The following PLXNC1 variants were observed in gnomAD, a reference collection of about 807,000 sequenced individuals.
PLXNC1 encodes plexin C1.
A neutral mutation model predicts 178.2 loss-of-function variants in PLXNC1; 75 were observed. That is an observed-to-expected ratio of 0.42 (90% CI 0.35 to 0.51). The LOEUF is 0.51. Among genes scored for constraint, PLXNC1 ranks in the 20% least tolerant of loss-of-function variants. The pLI is 0.02. For missense variants in PLXNC1, 1,503 were observed against 1,984.4 expected, an observed-to-expected ratio of 0.76 and a Z score of 4.61; for synonymous variants, 790 against 779.9, an observed-to-expected ratio of 1.01 and a Z score of -0.22.
chr12:94,210,269 C>T (rs1452959156), intron 5 of PLXNC1, among the ~76,000 whole-genome samples: 1 of 152,170 alleles, frequency 6.6e-6, no homozygotes, highest in Non-Finnish European at 1.5e-5. Context: ...TATGGCAGCA[C>T]CACTCTTGAC....
chr12:94,294,745 T>A (rs546089431), intron 24 of PLXNC1, among the ~76,000 whole-genome samples: 74 of 152,352 alleles, frequency 4.9e-4, no homozygotes, highest in African/African-American at 1.8e-3. Flanking sequence ...AGATGGTGGT[T>A]GGCCTGGACT....
At chr12:94,164,910 G>C (rs1189064179) in intron 1 of PLXNC1, among the ~76,000 whole-genome samples, 2 of 152,200 alleles carry the variant, frequency 1.3e-5, no homozygotes, top group African/African-American at 4.8e-5. Flanking sequence ...GAAGCAGAGT[G>C]ACAACTCTGA....
At chr12:94,222,238 C>A (rs1010216531) in intron 6 of PLXNC1, among the ~76,000 whole-genome samples, 8 of 152,290 alleles carry the variant, frequency 5.3e-5, no homozygotes, top group African/African-American at 1.9e-4. Context: ...GCTTTTAGCG[C>A]CTCCATCCGT....
chr12:94,286,322 G>A (rs1260745896), intron 23 of PLXNC1, among the ~76,000 whole-genome samples: 1 of 152,148 alleles, frequency 6.6e-6, no homozygotes, highest in Non-Finnish European at 1.5e-5. Context: ...TGGGCTCCAT[G>A]TTCTCTATGC....
At chr12:94,181,603 G>A (rs759474583) in intron 3 of PLXNC1, 23 bp downstream of exon 3, 3 of 1,569,670 alleles carry the variant, frequency 1.9e-6, no homozygotes, top group Admixed American at 3.5e-5. Context: ...ACTAGTTATT[G>A]CTTCTGATTT....
At chr12:94,236,954 G>A (rs1198953588) in intron 9 of PLXNC1, among the ~76,000 whole-genome samples, 1 of 152,162 alleles carries the variant, frequency 6.6e-6, no homozygotes, top group Non-Finnish European at 1.5e-5. Context: ...AAATGGAGAA[G>A]TAAGGTGGCA....
chr12:94,288,350 A>C (rs1264632531), intron 23 of PLXNC1, among the ~76,000 whole-genome samples: 1 of 151,964 alleles, frequency 6.6e-6, no homozygotes, highest in African/African-American at 2.4e-5. Context: ...CTCCAACCCA[A>C]CAGGATCACT....
intron 7 of PLXNC1, 57 bp from the exon 8 acceptor site, chr12:94,226,548 T>G: frequency 8.5e-7 from 1 of 1,170,936 alleles, no homozygotes; most frequent in South Asian, 1.2e-5. Flanking sequence ...AGGGAAATTC[T>G]AGGATGTGAA....
In PLXNC1 at chr12:94,194,968, G is replaced by A. The variant is rs182696619; in HGVS notation, c.1439+8495G>A. 2.0e-4 allele frequency among the ~76,000 whole-genome samples: 30 copies of A among 152,214 alleles called. No individual in the cohort carries two copies. In the East Asian group the frequency reaches 5.8e-3, roughly 30 times the overall value. On this transcript the variant is annotated intron_variant, in intron 4 of 30. Coordinates refer to ENST00000258526, the MANE Select transcript of PLXNC1 (RefSeq NM_005761.3). ...GCCTTAAAATTGGCCTTGAAGCCTG[G>A]GTAGACCTTCACCAGGGGAAGAGTG...
At chr12:94,240,416 G>A in intron 10 of PLXNC1, 69 bp from the exon 11 acceptor site, 2 of 1,186,908 alleles carry the variant, frequency 1.7e-6, no homozygotes, top group Non-Finnish European at 2.4e-6. Flanking sequence ...TTCATTTGCT[G>A]TCACCTTGGG....
In PLXNC1 at chr12:94,186,383, T is replaced by C. The variant is rs1358510576; in HGVS notation, c.1349T>C (p.Ile450Thr). The C allele has an allele frequency of 1.2e-6, 2 of 1,611,790 alleles. No individual in the cohort carries two copies. The highest frequency in any genetic ancestry group is 1.7e-6 in the Non-Finnish European group (2 of 1,177,834). Reference protein sequence around the residue: ...YLTAGKEVRRIRVANCNKHKS... With the variant: ...YLTAGKEVRRTRVANCNKHKS... ...CCTCTTTCCTTTTAGGTGAGGAGAA[T>C]TCGTGTTGCAAACTGCAATAAACAT... The change falls in exon 4 of 31, where the codon ATT becomes ACT. Residue 450 changes from isoleucine (I) to threonine (T), a missense_variant. Coordinates refer to ENST00000258526, the MANE Select transcript of PLXNC1 (RefSeq NM_005761.3).
intron 23 of PLXNC1, among the ~76,000 whole-genome samples, chr12:94,282,627 C>A (rs141946614): frequency 5.8e-4 from 89 of 152,324 alleles, no homozygotes; most frequent in African/African-American, 2.1e-3. Flanking sequence ...GATTTTCTAT[C>A]TCCTGAACTC....
At chr12:94,213,315 T>G (rs1002023370) in intron 5 of PLXNC1, among the ~76,000 whole-genome samples, 1 of 152,210 alleles carries the variant, frequency 6.6e-6, no homozygotes, top group African/African-American at 2.4e-5. Flanking sequence ...TCAGCATCTG[T>G]TTTTTCCTGA....
chr12:94,171,464 TAC>T (rs1047685367), intron 2 of PLXNC1, among the ~76,000 whole-genome samples: 2 of 152,208 alleles, frequency 1.3e-5, no homozygotes, highest in African/African-American at 4.8e-5. Context: ...GGGGCAGGCC[TAC>T]TATTCCCATT....
chr12:94,196,600 A>T (rs991050684), intron 4 of PLXNC1, among the ~76,000 whole-genome samples: 3 of 152,288 alleles, frequency 2.0e-5, no homozygotes, highest in African/African-American at 7.2e-5. Flanking sequence ...CAAAAAATGG[A>T]CTAACACAGG....
intron 4 of PLXNC1, among the ~76,000 whole-genome samples, chr12:94,187,112 G>C (rs1220224389): frequency 6.6e-6 from 1 of 152,020 alleles, no homozygotes; most frequent in Non-Finnish European, 1.5e-5. Context: ...TGGCAACCCA[G>C]TACTGGGGCT....
chr12:94,174,240 A>G lies in PLXNC1; in HGVS notation c.1203+4947A>G, dbSNP rs59012888. Among the ~76,000 whole-genome samples the G allele has an allele frequency of 1.8e-3, 275 of 151,846 alleles. 3 individuals are homozygous for G. Among genetic ancestry groups the G allele is most frequent in the Admixed American group, 0.015 (233 of 15,260 alleles). On this transcript the variant is annotated intron_variant, in intron 2 of 30. Transcript: ENST00000258526. The stretch of plus-strand genomic sequence containing the variant: ...GGCTCTGTTGCCCAGGCTGGAGTGC[A>G]GTGGTGCAGTCTCGGCTCACTACAA...
At position 94,306,482 on chromosome 12, in the gene PLXNC1, C is replaced by T. The variant is rs1969031004; in HGVS notation, c.*1197C>T. On this transcript the variant is annotated 3_prime_UTR_variant, in exon 31 of 31. Transcript: ENST00000258526. ...TCTTTTTAGTGCTGATTTTTTAATT[C>T]CTGAATTTTTGCTGCTCATGACCAG... 6.6e-6 allele frequency: 1 copy of T among 151,992 alleles called. No homozygotes were observed. Among genetic ancestry groups the T allele is most frequent in the Non-Finnish European group, 1.5e-5 (1 of 67,998 alleles). The allele number at this position is 151,992 out of a possible 1,614,324, so 9.4% of individuals were successfully genotyped here.
chr12:94,149,601 G>T lies in PLXNC1; in HGVS notation c.630G>T (p.Thr210=). Residue 210 remains threonine, a synonymous_variant, in exon 1 of 31, where the codon ACG becomes ACT. Coordinates refer to ENST00000258526, the MANE Select transcript of PLXNC1 (RefSeq NM_005761.3). The stretch of plus-strand genomic sequence containing the variant: ...ACACGGCCATCGCGCTCAAGGACAC[G>T]GAGGGGCGCAGCCTGGCCACGCAGG... ...DHDTAIALKD[T]EGRSLATQEL... is the part of the protein sequence containing the mutation. 1 of 1,578,458 alleles carries T rather than the reference G, an allele frequency of 6.3e-7. No individual in the cohort carries two copies. The highest frequency in any genetic ancestry group is 1.3e-5 in the African/African-American group (1 of 74,280).
Sources: allele counts gnomAD v4.1 joint callset (sites outside exome capture counted in the v4.1 genomes callset), GRCh38; gene constraint gnomAD v4.1.1; transcripts MANE v1.5; gene names NCBI Gene and HGNC (gene_info 2026-07-23, HGNC 2026-07-21).